TRIML1: variants seen among roughly 807,000 people sequenced by gnomAD.
TRIML1 encodes the protein tripartite motif family like 1, also known as probable E3 ubiquitin-protein ligase TRIML1.
A neutral mutation model predicts 32.3 loss-of-function variants in TRIML1; 34 were observed. That is an observed-to-expected ratio of 1.05 (90% CI 0.80 to 1.40). TRIML1 has a LOEUF of 1.40. Ranked by LOEUF, TRIML1 falls within the 40% of genes most tolerant of loss-of-function variation. TRIML1 has a pLI of 0.00. For missense variants in TRIML1, 595 were observed against 574.9 expected, an observed-to-expected ratio of 1.03 and a Z score of -0.36; for synonymous variants, 244 against 226.6, an observed-to-expected ratio of 1.08 and a Z score of -0.69.
chr4:188,150,742 T>G (rs1200777492), downstream of TRIML1, among the ~76,000 whole-genome samples: 2 of 151,492 alleles, frequency 1.3e-5, no homozygotes, highest in African/African-American at 2.4e-5. Flanking sequence ...TGCACCATTG[T>G]GTACACAGGG....
At position 188,144,039 on chromosome 4, in the gene TRIML1, C is replaced by T. The variant is rs200129069; in HGVS notation, c.762C>T (p.Ser254=). Residue 254 remains serine, a synonymous_variant, in exon 5 of 6, where the codon AGC becomes AGT. Coordinates refer to ENST00000332517, the MANE Select transcript of TRIML1 (RefSeq NM_178556.5). ...LEEVRGALER[S]EPLLLQCPEA... Reference sequence around the variant, plus strand: ...GAACCTCTCTGCTCTCTTGCAGGAGCGAGCCACTCTTGCTTCAGTGTCCAG... The same window carrying T: ...GAACCTCTCTGCTCTCTTGCAGGAGTGAGCCACTCTTGCTTCAGTGTCCAG... 3.8e-6 allele frequency: 6 copies of T among 1,596,112 alleles called. No individual in the cohort carries two copies. Among genetic ancestry groups the T allele is most frequent in the Non-Finnish European group, 5.1e-6 (6 of 1,173,982 alleles).
At chr4:188,150,472 A>C (rs2111244394), downstream of TRIML1, among the ~76,000 whole-genome samples, 1 of 152,288 alleles carries the variant, frequency 6.6e-6, no homozygotes, top group South Asian at 2.1e-4. Flanking sequence ...CTCACCTCAA[A>C]AAGCTAAGAA....
chr4:188,144,202 T>C, intron 5 of TRIML1, 69 bp downstream of exon 5: 1 of 1,354,702 alleles, frequency 7.4e-7, no homozygotes. Flanking sequence ...TCTTCCAGTG[T>C]CAGACATTCA....
chr4:188,148,574 C>T (rs758854259), downstream of TRIML1, among the ~76,000 whole-genome samples: 2 of 151,940 alleles, frequency 1.3e-5, no homozygotes, highest in African/African-American at 4.8e-5. Context: ...GCATTAGGCT[C>T]GCTGTCTTTA....
upstream of TRIML1, among the ~76,000 whole-genome samples, chr4:188,137,365 G>A (rs1294014425): frequency 6.9e-6 from 1 of 145,288 alleles, no homozygotes; most frequent in Non-Finnish European, 1.5e-5. Context: ...TGCAGTGGTG[G>A]GATCTTGGCT....
intron 5 of TRIML1, 129 bp from the exon 6 acceptor site, chr4:188,146,693 C>T (rs1029972710): frequency 5.7e-6 from 4 of 702,500 alleles, no homozygotes; most frequent in Non-Finnish European, 8.5e-6. Flanking sequence ...AGGCGCGAGC[C>T]ATCACGCCCG....
Position 188,147,274 on chromosome 4 carries a change from T to G in TRIML1, c.1309T>G (p.Phe437Val), listed in dbSNP as rs1579172488. The G allele has an allele frequency of 1.9e-6, 3 of 1,580,928 alleles. No homozygotes were observed. Among genetic ancestry groups the G allele is most frequent in the Non-Finnish European group, 2.6e-6 (3 of 1,163,792 alleles). ...CATCTACAGCTTCCCGCAGGCTTCT[T>G]TCCAAGAGGCCCTCAGGCCTATCTT... ...SLIYSFPQAS[F>V]QEALRPIFSP... The change falls in exon 6 of 6, where the codon TTC becomes GTC. Residue 437 changes from phenylalanine (F) to valine (V), a missense_variant. Transcript: ENST00000332517.
At chr4:188,143,740 C>A in intron 3 of TRIML1, 98 bp from the exon 4 acceptor site, 3 of 1,448,800 alleles carry the variant, frequency 2.1e-6, no homozygotes, top group African/African-American at 1.4e-5. Flanking sequence ...TCATGGGAAG[C>A]AGATTCTGTG....
chr4:188,144,964 A>C (rs1001882044), intron 5 of TRIML1, among the ~76,000 whole-genome samples: 7 of 152,130 alleles, frequency 4.6e-5, no homozygotes, highest in African/African-American at 1.7e-4. Context: ...CAGAGTGCTG[A>C]ATAAAGCCCT....
downstream of TRIML1, among the ~76,000 whole-genome samples, chr4:188,150,643 C>T (rs1735229554): frequency 6.6e-6 from 1 of 151,934 alleles, no homozygotes; most frequent in African/African-American, 2.4e-5. Flanking sequence ...ACATCCTTTC[C>T]TTTCCTTCTT....
At chr4:188,145,809 T>C (rs991606050) in intron 5 of TRIML1, among the ~76,000 whole-genome samples, 37 of 152,034 alleles carry the variant, frequency 2.4e-4, no homozygotes, top group African/African-American at 7.0e-4. Flanking sequence ...AGAGCAAAAC[T>C]GTCTCAGGAA....
downstream of TRIML1, among the ~76,000 whole-genome samples, chr4:188,148,248 C>A (rs984139669): frequency 6.6e-6 from 1 of 152,086 alleles, no homozygotes; most frequent in African/African-American, 2.4e-5. Context: ...AATCCCAGCA[C>A]TTTGGGAGGC....
intron 5 of TRIML1, 90 bp downstream of exon 5, chr4:188,144,223 C>T (rs1734972589): frequency 2.6e-6 from 3 of 1,172,756 alleles, no homozygotes. Context: ...CGATCTGACA[C>T]GAGGCTCCTG....
At chr4:188,137,905 G>T (rs1734710238), upstream of TRIML1, among the ~76,000 whole-genome samples, 1 of 144,836 alleles carries the variant, frequency 6.9e-6, no homozygotes, top group African/African-American at 2.5e-5. Flanking sequence ...GAGCAACCGC[G>T]CCTGGCCAAA....
upstream of TRIML1, chr4:188,139,354 G>A (rs1231920169): frequency 1.9e-6 from 1 of 514,662 alleles, no homozygotes; most frequent in Non-Finnish European, 3.4e-6. Context: ...CAGTATACAG[G>A]AGTTCCACAT....
Position 188,141,165 on chromosome 4 carries a change from G to GTTTTTTTTT in TRIML1, c.504+553_504+561dup, listed in dbSNP as rs58714915. Among the ~76,000 whole-genome samples the GTTTTTTTTT allele has an allele frequency of 5.2e-4, 62 of 118,824 alleles. 8 individuals are homozygous for GTTTTTTTTT. The highest frequency in any genetic ancestry group is 1.5e-3 in the South Asian group (5 of 3,290). The allele number at this position is 118,824 out of a possible 152,430, so 78.0% of individuals were successfully genotyped here. ...ATTCTCCCAATAGACTTTGAAATCT[G>GTTTTTTTTT]TTTTTTTTTTTTTTTTTTTGGAGAT... On this transcript the variant is annotated intron_variant, in intron 2 of 5. Coordinates refer to ENST00000332517, the MANE Select transcript of TRIML1 (RefSeq NM_178556.5).
rs759156392 is a variant in TRIML1 at position 188,146,909 on chromosome 4, A to C, written c.944A>C (p.Gln315Pro). Residue 315 changes from glutamine to proline, a missense_variant, in exon 6 of 6, where the codon CAG becomes CCG. By Grantham distance (76) the Gln-to-Pro change is moderately conservative. Transcript: ENST00000332517. ...LKSVKYGGSR[Q>P]QLPDNPERFD... is the part of the protein sequence containing the mutation. ...AGTGTGAAATATGGGGGAAGCAGAC[A>C]GCAGCTACCCGACAACCCGGAAAGA... 7 of 1,495,694 alleles carry C rather than the reference A, an allele frequency of 4.7e-6. No homozygotes were observed. In the East Asian group the frequency reaches 1.6e-4, roughly 35 times the overall value. The allele number at this position is 1,495,694 out of a possible 1,614,324, so 92.7% of individuals were successfully genotyped here.
Position 188,147,176 on chromosome 4 carries a change from TG to T in TRIML1, c.1212del (p.Cys405ValfsTer14), listed in dbSNP as rs753858901. ...AAAGGTCAGCACGTCAGAGAGCCTGTGTGTAAGGTTGGTGTCTTCCTGGACT... is the reference window on the plus strand; with the variant it reads ...AAAGGTCAGCACGTCAGAGAGCCTGTTGTAAGGTTGGTGTCTTCCTGGACT... The part of the protein sequence containing the change: ...PLKGQHVREP[V>X]CKVGVFLDYE... On this transcript the variant is annotated frameshift_variant, in exon 6 of 6. Coordinates refer to ENST00000332517, the MANE Select transcript of TRIML1 (RefSeq NM_178556.5). LOFTEE classifies it high-confidence loss of function. The T allele has an allele frequency of 3.1e-6, 5 of 1,614,024 alleles. No homozygotes were observed. Among genetic ancestry groups the T allele is most frequent in the Non-Finnish European group, 4.2e-6 (5 of 1,179,996 alleles).
downstream of TRIML1, among the ~76,000 whole-genome samples, chr4:188,147,914 A>G (rs371326746): frequency 4.6e-5 from 7 of 152,252 alleles, no homozygotes; most frequent in East Asian, 1.2e-3. Context: ...ATGAGCCTGC[A>G]GTGTTTGTAC....
Sources: gnomAD v4.1 joint callset for allele counts (sites outside exome capture counted in the v4.1 genomes callset) on GRCh38, gnomAD v4.1.1 for gene constraint, MANE v1.5 for transcripts, NCBI Gene and HGNC (gene_info 2026-07-23, HGNC 2026-07-21) for gene names.